The following RORA variants were observed in gnomAD, a reference collection of about 807,000 sequenced individuals.
RORA encodes RAR related orphan receptor A, also known as nuclear receptor ROR-alpha.
A neutral mutation model predicts 69.5 loss-of-function variants in RORA; 7 were observed. The ratio of observed to expected loss-of-function variants is 0.10; its 90% CI spans 0.06 to 0.19. The LOEUF (loss-of-function observed/expected upper bound fraction) is 0.19, where lower values mean the gene tolerates loss of function less well. Among genes scored for constraint, RORA ranks in the 10% least tolerant of loss-of-function variants. The pLI, the probability that RORA is intolerant of heterozygous loss-of-function variation, is 1.00. For synonymous variants in RORA, 261 were observed against 240.8 expected (o/e 1.08, Z -0.78); for missense variants, 457 against 663.0 (o/e 0.69, Z 3.41).
At chr15:61,182,482 C>T (rs866287230) in intron 1 of RORA, among the ~76,000 whole-genome samples, 1 of 152,168 alleles carries the variant, frequency 6.6e-6, no homozygotes, top group Non-Finnish European at 1.5e-5. Context: ...CTGGGAACAT[C>T]CATGGTGTGT....
intron 1 of RORA, among the ~76,000 whole-genome samples, chr15:60,726,137 G>T (rs1377999281): frequency 1.3e-5 from 2 of 152,082 alleles, no homozygotes; most frequent in Non-Finnish European, 2.9e-5. Context: ...AGGTGATGAG[G>T]TTGGGGTGTG....
At chr15:60,863,867 C>T (rs1038016693) in intron 1 of RORA, among the ~76,000 whole-genome samples, 2 of 151,536 alleles carry the variant, frequency 1.3e-5, no homozygotes, top group Non-Finnish European at 2.9e-5. Flanking sequence ...AGTGCAGTGG[C>T]ACCATCTCAG....
intron 1 of RORA, among the ~76,000 whole-genome samples, chr15:61,012,447 G>C (rs970722538): frequency 1.4e-4 from 22 of 152,208 alleles, no homozygotes; most frequent in Admixed American, 3.9e-4. Context: ...GTTCTAACAA[G>C]ACAACTGGAC....
chr15:60,612,677 T>C (rs1265137022), intron 2 of RORA, among the ~76,000 whole-genome samples: 1 of 148,028 alleles, frequency 6.8e-6, no homozygotes, highest in Non-Finnish European at 1.5e-5. Context: ...TTTTTTTTTT[T>C]TTTTTTTTCT....
Position 60,723,001 on chromosome 15 carries a change from A to C in RORA, c.167-44315T>G, listed in dbSNP as rs28631847. 6.6e-3 allele frequency among the ~76,000 whole-genome samples: 1,011 copies of C among 152,310 alleles called. 21 individuals are homozygous for C. Among genetic ancestry groups the C allele is most frequent in the African/African-American group, 0.023 (966 of 41,560 alleles). On this transcript the variant is annotated intron_variant, in intron 1 of 10. Coordinates refer to ENST00000335670, the MANE Select transcript of RORA (RefSeq NM_134261.3). The stretch of plus-strand genomic sequence containing the variant: ...TTACCAGATCTCTGCAAAGATAGAA[A>C]AAAACTAGCTTGCAAGAAACCCCAG...
intron 2 of RORA, among the ~76,000 whole-genome samples, chr15:60,631,880 T>C (rs2069744932): frequency 6.6e-6 from 1 of 152,206 alleles, no homozygotes; most frequent in Non-Finnish European, 1.5e-5. Flanking sequence ...CAGGGCCTGC[T>C]TGTAAACACT....
chr15:60,707,592 T>C (rs1007026377), intron 1 of RORA, among the ~76,000 whole-genome samples: 10 of 152,130 alleles, frequency 6.6e-5, no homozygotes, highest in Non-Finnish European at 1.3e-4. Flanking sequence ...CTCGATCTCC[T>C]GACCTCGTGA....
At chr15:60,807,948 T>C (rs2072682202) in intron 1 of RORA, among the ~76,000 whole-genome samples, 1 of 152,096 alleles carries the variant, frequency 6.6e-6, no homozygotes, top group African/African-American at 2.4e-5. Flanking sequence ...AAGACTTAAA[T>C]CTAAGACCTG....
At chr15:60,765,506 C>T (rs531838008) in intron 1 of RORA, 1 of 152,204 alleles carries the variant, frequency 6.6e-6, no homozygotes, top group African/African-American at 2.4e-5. Flanking sequence ...GTGTAAGATT[C>T]CCACACCCCA....
intron 1 of RORA, among the ~76,000 whole-genome samples, chr15:60,811,148 A>G (rs1394173336): frequency 1.3e-5 from 2 of 152,226 alleles, no homozygotes; most frequent in Admixed American, 6.5e-5. Flanking sequence ...TCAGTTTCAC[A>G]CTACCCAAAG....
intron 1 of RORA, among the ~76,000 whole-genome samples, chr15:60,761,022 G>C (rs546528340): frequency 7.9e-5 from 12 of 152,220 alleles, no homozygotes; most frequent in South Asian, 4.2e-4. Flanking sequence ...TTCTCCTTTT[G>C]GGCACAGGGA....
At chr15:60,810,994 A>T (rs2072735298) in intron 1 of RORA, among the ~76,000 whole-genome samples, 1 of 152,180 alleles carries the variant, frequency 6.6e-6, no homozygotes, top group East Asian at 1.9e-4. Context: ...CACAGAGAAA[A>T]TTCCAGTTGC....
At chr15:61,183,136 C>T (rs1419338030) in intron 1 of RORA, 1 of 152,234 alleles carries the variant, frequency 6.6e-6, no homozygotes, top group Admixed American at 6.5e-5. Context: ...ATAACTTGTA[C>T]CATGGTTACA....
In RORA at chr15:60,516,127, TTAA is replaced by T. The variant is rs2065913943; in HGVS notation, c.283-1373_283-1371del. Among the ~76,000 whole-genome samples, 4 of 63,720 alleles carry T rather than the reference TTAA, an allele frequency of 6.3e-5. 1 individual carries two copies. The highest frequency in any genetic ancestry group is 8.7e-5 in the Non-Finnish European group (3 of 34,374). 41.8% of individuals were successfully genotyped at this position (63,720 alleles called of 152,430 possible). On this transcript the variant is annotated intron_variant, in intron 3 of 10. Coordinates refer to ENST00000335670, the MANE Select transcript of RORA (RefSeq NM_134261.3). Reference sequence around the variant, plus strand: ...TATATATTATATTATATATATTATATTAAATATATTTATATATATTTATATATA... The same window carrying T: ...TATATATTATATTATATATATTATATATATATTTATATATATTTATATATA...
At chr15:60,724,865 C>T (rs1318178050) in intron 1 of RORA, among the ~76,000 whole-genome samples, 1 of 152,172 alleles carries the variant, frequency 6.6e-6, no homozygotes, top group African/African-American at 2.4e-5. Context: ...TGGCCACCCT[C>T]CCAGAGAGGT....
chr15:60,924,355 A>G (rs1595819797), intron 1 of RORA, among the ~76,000 whole-genome samples: 1 of 54,854 alleles, frequency 1.8e-5, no homozygotes, highest in South Asian at 6.4e-4. Context: ...TTATTGTATC[A>G]CTGCCGCTAA....
intron 2 of RORA, among the ~76,000 whole-genome samples, chr15:60,597,980 G>A (rs1452574293): frequency 6.6e-6 from 1 of 151,880 alleles, no homozygotes. Flanking sequence ...ATGGGCTTTG[G>A]CATTAGATGA....
chr15:60,635,487 T>G (rs2069818552), intron 2 of RORA, among the ~76,000 whole-genome samples: 1 of 152,214 alleles, frequency 6.6e-6, no homozygotes, highest in South Asian at 2.1e-4. Context: ...TAGGAGGTTG[T>G]CAAGTTGTCA....
At chr15:60,594,438 A>T (rs1261070940) in intron 2 of RORA, among the ~76,000 whole-genome samples, 1 of 152,226 alleles carries the variant, frequency 6.6e-6, no homozygotes, top group African/African-American at 2.4e-5. Flanking sequence ...ACCATCGGAG[A>T]CTGCATCCTC....
Sources: gnomAD v4.1 joint callset for allele counts (sites outside exome capture counted in the v4.1 genomes callset) on GRCh38, gnomAD v4.1.1 for gene constraint, MANE v1.5 for transcripts, NCBI Gene and HGNC (gene_info 2026-07-23, HGNC 2026-07-21) for gene names.